GATA6: variants seen among roughly 807,000 people sequenced by gnomAD.
GATA6 encodes transcription factor GATA-6.
GATA6 carries 11 observed loss-of-function variants against 48.1 expected under a neutral mutation model. The observed-to-expected ratio is 0.23, with a 90% CI of 0.14 to 0.38. GATA6 has a LOEUF of 0.38. Ranked by LOEUF, GATA6 falls within the 10% of genes least tolerant of loss-of-function variation. The probability of loss-of-function intolerance (pLI) is 1.00; values close to 1 mark genes in which losing one functional copy is unlikely to be tolerated. For missense variants in GATA6, 795 were observed against 850.3 expected (o/e 0.93, Z 0.81); for synonymous variants, 419 against 396.1 (o/e 1.06, Z -0.69).
chr18:22,180,566 C>T (rs2033179853), intron 3 of GATA6, among the ~76,000 whole-genome samples: 1 of 151,874 alleles, frequency 6.6e-6, no homozygotes, highest in South Asian at 2.1e-4. Context: ...ACAGTGGCAG[C>T]ATTAAGATTA....
At chr18:22,180,929 AT>A (rs907099511) in intron 3 of GATA6, among the ~76,000 whole-genome samples, 1 of 149,374 alleles carries the variant, frequency 6.7e-6, no homozygotes, top group Non-Finnish European at 1.5e-5. Context: ...TGCACGGCCA[AT>A]TGCTGTCCAC....
Position 22,171,987 on chromosome 18 carries a change from C to T in GATA6, c.843C>T (p.Gly281=). The T allele has an allele frequency of 8.2e-7, 1 of 1,224,324 alleles. No homozygotes were observed. Among genetic ancestry groups the T allele is most frequent in the Non-Finnish European group, 1.0e-6 (1 of 984,352 alleles). The allele number at this position is 1,224,324 out of a possible 1,614,324, so 75.8% of individuals were successfully genotyped here. ...ACGGCGCCGCGCGGGAGCCGGGAGGCTACGCGGCGGCGGGCAGTGGGGGCG... is the reference window on the plus strand; with the variant it reads ...ACGGCGCCGCGCGGGAGCCGGGAGGTTACGCGGCGGCGGGCAGTGGGGGCG... The part of the protein sequence containing the change: ...MANGAAREPG[G]YAAAGSGGAG... The change falls in exon 2 of 7, where the codon GGC becomes GGT. Residue 281 remains glycine (G), a synonymous_variant. Transcript: ENST00000269216. The surrounding 1 kb of genome is among the most constrained non-coding windows in gnomAD (Gnocchi z 7.1).
At chr18:22,192,988 C>T (rs1034651044) in intron 6 of GATA6, among the ~76,000 whole-genome samples, 1 of 152,156 alleles carries the variant, frequency 6.6e-6, no homozygotes, top group Non-Finnish European at 1.5e-5. Context: ...TTGAAAAGGG[C>T]AGCATCCCTT....
intron 3 of GATA6, among the ~76,000 whole-genome samples, chr18:22,179,053 A>C (rs2033161949): frequency 6.6e-6 from 1 of 152,216 alleles, no homozygotes; most frequent in Non-Finnish European, 1.5e-5. Flanking sequence ...TACCAGTAAA[A>C]ATAACTTAGA....
rs117350956 is a variant in GATA6, at chr18:22,182,646, C to T, written c.1429-111C>T. 14,711 of 777,820 alleles carry T rather than the reference C, an allele frequency of 0.019. 163 individuals are homozygous for T. The highest frequency in any genetic ancestry group is 0.023 in the Non-Finnish European group (10,469 of 460,578). 48.2% of individuals were successfully genotyped at this position (777,820 alleles called of 1,614,324 possible). A position where few individuals can be genotyped will look rare whatever the true frequency, so the allele number is the denominator to read the frequency against. On this transcript the variant is annotated intron_variant, in intron 4 of 6. Coordinates refer to ENST00000269216, the MANE Select transcript of GATA6 (RefSeq NM_005257.6). ...GTGCTGGGATTAGAGGCGTGAGCCACTGCACTCGGCCGCCAAATTCTTTTA... is the reference window on the plus strand; with the variant it reads ...GTGCTGGGATTAGAGGCGTGAGCCATTGCACTCGGCCGCCAAATTCTTTTA...
At chr18:22,189,287 G>A (rs1479366316) in intron 6 of GATA6, among the ~76,000 whole-genome samples, 3 of 152,126 alleles carry the variant, frequency 2.0e-5, no homozygotes, top group African/African-American at 4.8e-5. Flanking sequence ...GCTCTATAAG[G>A]CCTCTGAAGA....
rs76308670 is a variant in GATA6, at chr18:22,172,288, C to T, written c.1135+9C>T. On this transcript the variant is annotated intron_variant, in intron 2 of 6. Transcript: ENST00000269216. This position sits in a 1 kb window ranked among gnomAD's most constrained non-coding sequence, Gnocchi z 5.2. Reference sequence around the variant, plus strand: ...CCGGGGTCCCAGTGCAGGTAAGGGTCGCGCCTCAGGTTCGGGGTGCGGGTC... The same window carrying T: ...CCGGGGTCCCAGTGCAGGTAAGGGTTGCGCCTCAGGTTCGGGGTGCGGGTC... The T allele has an allele frequency of 3.3e-6, 5 of 1,531,302 alleles. No homozygotes were observed. The highest frequency in any genetic ancestry group is 4.4e-6 in the Non-Finnish European group (5 of 1,145,060). The allele number at this position is 1,531,302 out of a possible 1,614,324, so 94.9% of individuals were successfully genotyped here.
At chr18:22,184,106 T>C (rs1022507185) in intron 6 of GATA6, among the ~76,000 whole-genome samples, 6 of 152,182 alleles carry the variant, frequency 3.9e-5, no homozygotes, top group Middle Eastern at 3.2e-3. Flanking sequence ...CCAGGTGAAA[T>C]TGGAACTACT....
At chr18:22,197,060 T>C (rs1197457390) in intron 6 of GATA6, among the ~76,000 whole-genome samples, 2 of 151,258 alleles carry the variant, frequency 1.3e-5, no homozygotes, top group African/African-American at 4.9e-5. Flanking sequence ...TACAAGGGCT[T>C]TACATATATT....
intron 6 of GATA6, among the ~76,000 whole-genome samples, chr18:22,189,220 T>A (rs1259116139): frequency 6.6e-6 from 1 of 152,236 alleles, no homozygotes; most frequent in Non-Finnish European, 1.5e-5. Flanking sequence ...CACCCATAAG[T>A]GCTTGTGGCC....
chr18:22,179,088 C>G (rs1344681924), intron 3 of GATA6, among the ~76,000 whole-genome samples: 1 of 152,138 alleles, frequency 6.6e-6, no homozygotes, highest in Non-Finnish European at 1.5e-5. Context: ...CAGTTTTTAG[C>G]ATTTCTGAAT....
chr18:22,187,415 G>T (rs1252049032), intron 6 of GATA6, among the ~76,000 whole-genome samples: 1 of 152,116 alleles, frequency 6.6e-6, no homozygotes, highest in Non-Finnish European at 1.5e-5. Context: ...GGGAGTTGCA[G>T]GTTGCAGTGA....
chr18:22,185,109 C>T lies in GATA6; in HGVS notation c.1620+2066C>T, dbSNP rs148761862. Among the ~76,000 whole-genome samples, 20 of 152,274 alleles carry T rather than the reference C, an allele frequency of 1.3e-4. No homozygotes were observed. The highest frequency in any genetic ancestry group is 2.6e-4 in the Non-Finnish European group (18 of 68,022). ...AAAATTTGCTATTAGCAAGTCCTAT[C>T]GGTTGCTGTCCAGCGAAAGGAGTGA... On this transcript the variant is annotated intron_variant, in intron 6 of 6. Transcript: ENST00000269216. The surrounding 1 kb of genome is among the most constrained non-coding windows in gnomAD (Gnocchi z 4.3).
intron 6 of GATA6, among the ~76,000 whole-genome samples, chr18:22,187,583 T>C (rs1048505794): frequency 6.6e-6 from 1 of 151,096 alleles, no homozygotes; most frequent in African/African-American, 2.5e-5. Flanking sequence ...CTGAATTGTA[T>C]TTTATAGTTT....
chr18:22,177,883 T>TA (rs1231266653), intron 3 of GATA6, among the ~76,000 whole-genome samples: 1 of 151,080 alleles, frequency 6.6e-6, no homozygotes, highest in East Asian at 1.9e-4. Context: ...AGAACTTGAG[T>TA]AAAAGTGTGG....
chr18:22,194,044 C>CA (rs2033359746), intron 6 of GATA6, among the ~76,000 whole-genome samples: 1 of 149,216 alleles, frequency 6.7e-6, no homozygotes, highest in South Asian at 2.1e-4. Context: ...GATATGTGTC[C>CA]AAAAATGAGT....
chr18:22,197,154 A>G (rs1045797235), intron 6 of GATA6, among the ~76,000 whole-genome samples: 3 of 143,456 alleles, frequency 2.1e-5, no homozygotes, highest in African/African-American at 7.9e-5. Context: ...ATCTCGGCTC[A>G]CTGCAACCTG....
intron 6 of GATA6, among the ~76,000 whole-genome samples, chr18:22,199,028 C>T (rs564608868): frequency 1.3e-5 from 2 of 152,002 alleles, no homozygotes; most frequent in Non-Finnish European, 2.9e-5. Context: ...GTGGAGGGGT[C>T]GGGTTTGGTC....
At chr18:22,179,857 T>C (rs900382577) in intron 3 of GATA6, among the ~76,000 whole-genome samples, 3 of 152,232 alleles carry the variant, frequency 2.0e-5, no homozygotes, top group Admixed American at 6.5e-5. Flanking sequence ...GGTTTGCCAG[T>C]GTCTCTGTTT....
Sources: allele counts gnomAD v4.1 joint callset (sites outside exome capture counted in the v4.1 genomes callset), GRCh38; gene constraint gnomAD v4.1.1; non-coding constraint Gnocchi (gnomAD v3.1); transcripts MANE v1.5; gene names NCBI Gene and HGNC (gene_info 2026-07-23, HGNC 2026-07-21).